The following RMND1 variants were observed in gnomAD, a reference collection of about 807,000 sequenced individuals.
RMND1 encodes the protein required for meiotic nuclear division protein 1 homolog.
A neutral mutation model predicts 54.0 loss-of-function variants in RMND1; 41 were observed. The observed-to-expected ratio is 0.76, with a 90% CI of 0.59 to 0.98. The LOEUF is 0.98. Among genes scored for constraint, RMND1 ranks in the 50% least tolerant of loss-of-function variants. The pLI is 0.00. For synonymous variants in RMND1, 183 were observed against 181.7 expected (o/e 1.01, Z -0.06); for missense variants, 457 against 532.0 (o/e 0.86, Z 1.39).
intron 10 of RMND1, among the ~76,000 whole-genome samples, chr6:151,409,599 T>C (rs1228223631): frequency 6.6e-6 from 1 of 152,216 alleles, no homozygotes; most frequent in Non-Finnish European, 1.5e-5. Context: ...AAAATAATCA[T>C]GGTCTCCGAT....
At chr6:151,445,248 C>T in intron 2 of RMND1, 60 bp downstream of exon 2, 1 of 1,528,976 alleles carries the variant, frequency 6.5e-7, no homozygotes, top group Non-Finnish European at 8.8e-7. Context: ...GTGCAACGCA[C>T]ACTGGTTTAG....
chr6:151,422,123 A>G (rs1780167322), intron 8 of RMND1, among the ~76,000 whole-genome samples: 1 of 152,192 alleles, frequency 6.6e-6, no homozygotes, highest in Non-Finnish European at 1.5e-5. Flanking sequence ...TTGTACTCCT[A>G]AACAATCGGC....
At position 151,435,961 on chromosome 6, in the gene RMND1, C is replaced by T. The variant is rs185548296; in HGVS notation, c.613+485G>A. Among the ~76,000 whole-genome samples, 198 of 151,546 alleles carry T rather than the reference C, an allele frequency of 1.3e-3. 1 individual carries two copies. Among genetic ancestry groups the T allele is most frequent in the African/African-American group, 4.5e-3 (186 of 41,376 alleles). On this transcript the variant is annotated intron_variant, in intron 3 of 11. Coordinates refer to ENST00000444024, the MANE Select transcript of RMND1 (RefSeq NM_017909.4). ...CTCTACTAAAAATACAAAAATTAGC[C>T]AGGTGTGGTGGCGCATGCCTGTAAT...
At chr6:151,415,988 G>GT (rs11434887) in intron 10 of RMND1, among the ~76,000 whole-genome samples, 19,825 of 151,196 alleles carry the variant, frequency 0.13, 1,425 homozygotes, top group Middle Eastern at 0.19. Context: ...TTTTTGTTTT[G>GT]TTTTTTTTGA....
rs1065310 is a variant in RMND1, at chr6:151,405,165, G to T, written c.*70C>A. 9.0e-6 allele frequency: 13 copies of T among 1,449,922 alleles called. No homozygotes were observed. The East Asian group carries it at 1.1e-4, about 13-fold the overall frequency. 89.8% of individuals were successfully genotyped at this position (1,449,922 alleles called of 1,614,324 possible). A position where few individuals can be genotyped will look rare whatever the true frequency, so the allele number is the denominator to read the frequency against. Reference sequence around the variant, plus strand: ...GATTACAGGCATGAGGCACCGCGCCGGGCCGAACATTTAATTTTTGATTGT... The same window carrying T: ...GATTACAGGCATGAGGCACCGCGCCTGGCCGAACATTTAATTTTTGATTGT... On this transcript the variant is annotated 3_prime_UTR_variant, in exon 12 of 12. Transcript: ENST00000444024.
intron 10 of RMND1, 33 bp from the exon 11 acceptor site, chr6:151,405,869 A>T (rs1779601404): frequency 2.7e-6 from 3 of 1,131,056 alleles, no homozygotes; most frequent in Non-Finnish European, 4.0e-6. Flanking sequence ...ACATGTATTT[A>T]AACAATTTAA....
intron 9 of RMND1, 89 bp from the exon 10 acceptor site, chr6:151,417,488 A>T: frequency 8.6e-7 from 1 of 1,157,842 alleles, no homozygotes; most frequent in Non-Finnish European, 1.2e-6. Flanking sequence ...GTGCTTTATG[A>T]AAACTTTTTT....
chr6:151,415,666 G>GC (rs1038702559), intron 10 of RMND1, among the ~76,000 whole-genome samples: 1 of 151,838 alleles, frequency 6.6e-6, no homozygotes, highest in Non-Finnish European at 1.5e-5. Context: ...GGTGGCGGGT[G>GC]CCTGTAGTCC....
intron 2 of RMND1, among the ~76,000 whole-genome samples, chr6:151,437,707 T>C: frequency 6.6e-6 from 1 of 152,168 alleles, no homozygotes; most frequent in East Asian, 1.9e-4. Context: ...GGTATGAAAT[T>C]CTAGAGAAGT....
chr6:151,421,267 T>A lies in RMND1; in HGVS notation c.1057A>T (p.Ile353Phe), dbSNP rs890569752. Residue 353 changes from isoleucine to phenylalanine, a missense_variant, in exon 9 of 12, where the codon ATC (isoleucine) becomes TTC (phenylalanine). Transcript: ENST00000444024. ...KLSHEEVMQKIGELFALRHRI... is the reference protein window; with the variant it reads ...KLSHEEVMQKFGELFALRHRI... ...TACCTTAGAGCAAAGAGTTCACCGA[T>A]TTTCTGCATAACTTCTTCATGAGAT... 2 of 1,611,928 alleles carry A rather than the reference T, an allele frequency of 1.2e-6. No homozygotes were observed. Among genetic ancestry groups the A allele is most frequent in the African/African-American group, 2.7e-5 (2 of 74,876 alleles).
chr6:151,415,954 A>AAAGTGAT (rs1381828086), intron 10 of RMND1, among the ~76,000 whole-genome samples: 43 of 151,956 alleles, frequency 2.8e-4, no homozygotes, highest in African/African-American at 9.7e-4. Context: ...AGCATGAGGA[A>AAAGTGAT]AAGTGATAAA....
At chr6:151,444,806 C>T (rs1476348954) in intron 2 of RMND1, among the ~76,000 whole-genome samples, 1 of 152,066 alleles carries the variant, frequency 6.6e-6, no homozygotes, top group East Asian at 1.9e-4. Context: ...AAAAAATACC[C>T]CCTTAAACCT....
chr6:151,407,484 A>G (rs1562780949), intron 10 of RMND1, among the ~76,000 whole-genome samples: 1 of 152,094 alleles, frequency 6.6e-6, no homozygotes, highest in Non-Finnish European at 1.5e-5. Flanking sequence ...CTACCTCATC[A>G]TCATCCAATT....
At chr6:151,407,036 C>G (rs1779649284) in intron 10 of RMND1, among the ~76,000 whole-genome samples, 1 of 152,038 alleles carries the variant, frequency 6.6e-6, no homozygotes, top group Non-Finnish European at 1.5e-5. Flanking sequence ...GCCTGTAGTT[C>G]TAGCTACTTG....
At chr6:151,439,295 G>A (rs190301663) in intron 2 of RMND1, among the ~76,000 whole-genome samples, 328 of 152,302 alleles carry the variant, frequency 2.2e-3, no homozygotes, top group Non-Finnish European at 3.6e-3. Context: ...ACATCAAAAA[G>A]CTTTGAATTT....
At chr6:151,419,029 C>CA (rs966585563) in intron 9 of RMND1, among the ~76,000 whole-genome samples, 26 of 151,734 alleles carry the variant, frequency 1.7e-4, no homozygotes, top group African/African-American at 6.3e-4. Context: ...CTCGGCCTCC[C>CA]AAAGTGTTGG....
chr6:151,406,223 C>T (rs1000445378), intron 10 of RMND1, among the ~76,000 whole-genome samples: 1 of 152,186 alleles, frequency 6.6e-6, no homozygotes, highest in Non-Finnish European at 1.5e-5. Flanking sequence ...ACCTGCTGTA[C>T]ACACACCACT....
chr6:151,421,052 C>A, intron 9 of RMND1, 193 bp downstream of exon 9: 1 of 476,866 alleles, frequency 2.1e-6, no homozygotes, highest in Non-Finnish European at 3.8e-6. Context: ...TGCGTGATTT[C>A]TTTCAGTACA....
intron 9 of RMND1, among the ~76,000 whole-genome samples, chr6:151,419,353 C>T (rs1780091216): frequency 1.3e-5 from 2 of 152,034 alleles, no homozygotes; most frequent in African/African-American, 4.8e-5. Context: ...GTGTGAGCCA[C>T]CGTGCCTGGC....
Sources: gnomAD v4.1 joint callset for allele counts (sites outside exome capture counted in the v4.1 genomes callset) on GRCh38, gnomAD v4.1.1 for gene constraint, MANE v1.5 for transcripts, NCBI Gene and HGNC (gene_info 2026-07-23, HGNC 2026-07-21) for gene names.